The following SLC8A1 variants were observed in gnomAD, a reference collection of about 807,000 sequenced individuals.
SLC8A1 encodes solute carrier family 8 member A1.
Under a neutral mutation model 68.3 loss-of-function variants are expected in SLC8A1, and 18 were observed. The observed-to-expected ratio is 0.26, with a 90% confidence interval of 0.18 to 0.39. The LOEUF (loss-of-function observed/expected upper bound fraction) is 0.39. Among genes scored for constraint, SLC8A1 ranks in the 10% least tolerant of loss-of-function variants. The probability of loss-of-function intolerance (pLI) is 1.00; values close to 1 mark genes in which losing one functional copy is unlikely to be tolerated. For synonymous variants in SLC8A1, 475 were observed against 415.5 expected, an observed-to-expected ratio of 1.14 and a Z score of -1.74; for missense variants, 985 against 1,156.7, an observed-to-expected ratio of 0.85 and a Z score of 2.15.
At chr2:40,421,089 C>T (rs1356734733) in intron 2 of SLC8A1, among the ~76,000 whole-genome samples, 7 of 151,970 alleles carry the variant, frequency 4.6e-5, no homozygotes, top group Admixed American at 4.6e-4. Context: ...ACCACCAACA[C>T]CAAAAATAAT....
intron 2 of SLC8A1, among the ~76,000 whole-genome samples, chr2:40,262,563 A>G (rs2064853367): frequency 6.6e-6 from 1 of 152,242 alleles, no homozygotes; most frequent in Non-Finnish European, 1.5e-5. Flanking sequence ...TCTTGAAGCC[A>G]TGATATAGAA....
intron 2 of SLC8A1, among the ~76,000 whole-genome samples, chr2:40,198,647 A>T (rs1225893951): frequency 6.6e-6 from 1 of 151,946 alleles, no homozygotes. Context: ...AATAAAACCC[A>T]AAGTCAGAGA....
rs112366854 is a variant in SLC8A1 at position 40,176,037 on chromosome 2, G to A, written c.1913-1195C>T. 4.5e-4 allele frequency: 196 copies of A among 434,664 alleles called. 1 individual carries two copies. The highest frequency in any genetic ancestry group is 2.7e-3 in the Middle Eastern group (8 of 2,952). 26.9% of individuals were successfully genotyped at this position (434,664 alleles called of 1,614,324 possible). A position where few individuals can be genotyped will look rare whatever the true frequency, so the allele number is the denominator to read the frequency against. ...CTGACAGGGCATTGGGTTGGGGGGA[G>A]GGGGACGTATAATTTGTCTTTCAGC... On this transcript the variant is annotated intron_variant, in intron 3 of 7. Transcript: ENST00000406785.
chr2:40,176,475 A>T (rs2048482576), intron 3 of SLC8A1, among the ~76,000 whole-genome samples: 1 of 152,008 alleles, frequency 6.6e-6, no homozygotes, highest in Non-Finnish European at 1.5e-5. Context: ...AATCAGCATA[A>T]TTTTCTGGTC....
intron 2 of SLC8A1, among the ~76,000 whole-genome samples, chr2:40,286,600 G>A (rs1464034093): frequency 1.3e-5 from 2 of 152,148 alleles, no homozygotes; most frequent in African/African-American, 2.4e-5. Context: ...TAAGGCAACT[G>A]GACTAAAGGC....
At chr2:40,422,319 G>T (rs1280516107) in intron 2 of SLC8A1, among the ~76,000 whole-genome samples, 1 of 152,132 alleles carries the variant, frequency 6.6e-6, no homozygotes, top group African/African-American at 2.4e-5. Flanking sequence ...ATATGATGAA[G>T]ATATTTTATA....
At chr2:40,296,838 C>G (rs936399786) in intron 2 of SLC8A1, among the ~76,000 whole-genome samples, 1 of 152,102 alleles carries the variant, frequency 6.6e-6, no homozygotes, top group Non-Finnish European at 1.5e-5. Context: ...CACCAATTAA[C>G]CTATATTTTC....
At chr2:40,112,948 C>T (rs935954926) in exon 8 of SLC8A1, 1 of 152,332 alleles carries the variant, frequency 6.6e-6, no homozygotes, top group Non-Finnish European at 1.5e-5. Context: ...TGCTTTGATA[C>T]AGTTTCAGTG....
intron 2 of SLC8A1, among the ~76,000 whole-genome samples, chr2:40,245,023 G>C (rs996851150): frequency 6.6e-6 from 1 of 152,178 alleles, no homozygotes; most frequent in African/African-American, 2.4e-5. Context: ...CCTGACTCTT[G>C]AGTTACATAA....
At chr2:40,117,392 C>CAAAAAAAAA (rs70957144) in intron 7 of SLC8A1, among the ~76,000 whole-genome samples, 6 of 58,746 alleles carry the variant, frequency 1.0e-4, no homozygotes, top group Admixed American at 2.2e-4. Context: ...ACTAAAAATA[C>CAAAAAAAAA]AAAAAAAAAA....
chr2:40,398,285 G>C (rs1301581654), intron 2 of SLC8A1, among the ~76,000 whole-genome samples: 1 of 152,050 alleles, frequency 6.6e-6, no homozygotes, highest in Non-Finnish European at 1.5e-5. Context: ...TTTTAGAGGA[G>C]TCTCTCAGCA....
At chr2:40,274,495 G>A (rs2149153722) in intron 2 of SLC8A1, among the ~76,000 whole-genome samples, 1 of 152,226 alleles carries the variant, frequency 6.6e-6, no homozygotes, top group South Asian at 2.1e-4. Context: ...ACGCTTGTGT[G>A]TAGGATGGGG....
intron 1 of SLC8A1, among the ~76,000 whole-genome samples, chr2:40,459,663 C>T (rs1703229163): frequency 6.6e-6 from 1 of 152,178 alleles, no homozygotes; most frequent in Non-Finnish European, 1.5e-5. Flanking sequence ...ATTAGTGCAC[C>T]TGGATGACCA....
intron 2 of SLC8A1, among the ~76,000 whole-genome samples, chr2:40,369,552 T>C (rs753833240): frequency 6.6e-6 from 1 of 152,126 alleles, no homozygotes; most frequent in Non-Finnish European, 1.5e-5. Flanking sequence ...TGTTTTACTG[T>C]ACTCCAGTCA....
At chr2:40,441,004 T>C (rs1700366264) in intron 1 of SLC8A1, among the ~76,000 whole-genome samples, 1 of 152,180 alleles carries the variant, frequency 6.6e-6, no homozygotes, top group Admixed American at 6.5e-5. Context: ...TGTTTGCAGA[T>C]GACATAATTC....
intron 2 of SLC8A1, among the ~76,000 whole-genome samples, chr2:40,311,983 C>T (rs1479062846): frequency 6.6e-6 from 1 of 152,080 alleles, no homozygotes; most frequent in Non-Finnish European, 1.5e-5. Flanking sequence ...TACTCCCCTT[C>T]CCTCCTCCCT....
At chr2:40,449,264 C>T (rs754444889) in intron 1 of SLC8A1, among the ~76,000 whole-genome samples, 8 of 151,872 alleles carry the variant, frequency 5.3e-5, no homozygotes, top group Non-Finnish European at 1.0e-4. Flanking sequence ...AATGCCTTGG[C>T]TGGCTTTTTA....
intron 6 of SLC8A1, among the ~76,000 whole-genome samples, chr2:40,157,345 A>ATCT (rs142262524): frequency 0.25 from 38,682 of 151,772 alleles, 5,420 homozygotes; most frequent in East Asian, 0.59. Context: ...GCGAACTGAG[A>ATCT]TCTTGAGGTG....
At chr2:40,462,531 G>A (rs904421569) in intron 1 of SLC8A1, among the ~76,000 whole-genome samples, 17 of 151,556 alleles carry the variant, frequency 1.1e-4, no homozygotes, top group African/African-American at 4.1e-4. Flanking sequence ...AGAGCAGGCG[G>A]GGCATGGTGG....
Sources: allele counts gnomAD v4.1 joint callset (sites outside exome capture counted in the v4.1 genomes callset), GRCh38; gene constraint gnomAD v4.1.1; transcripts MANE v1.5; gene names NCBI Gene and HGNC (gene_info 2026-07-23, HGNC 2026-07-21).